Variants in TESK2 observed in about 807,000 individuals in gnomAD.
TESK2 encodes the protein dual specificity testis-specific protein kinase 2.
TESK2 carries 39 observed loss-of-function variants against 57.1 expected under a neutral mutation model. The observed-to-expected ratio is 0.68, with a 90% CI of 0.53 to 0.89. TESK2 has a LOEUF of 0.89. TESK2 is among the 40% of genes least tolerant of loss of function. The probability of loss-of-function intolerance (pLI) is 0.00; values close to 1 mark genes in which losing one functional copy is unlikely to be tolerated. For synonymous variants in TESK2, 249 were observed against 267.9 expected (o/e 0.93, Z 0.69); for missense variants, 646 against 732.1 (o/e 0.88, Z 1.36).
At chr1:45,442,857 C>A (rs1432559155) in intron 2 of TESK2, among the ~76,000 whole-genome samples, 1 of 152,198 alleles carries the variant, frequency 6.6e-6, no homozygotes, top group Non-Finnish European at 1.5e-5. Flanking sequence ...GTGATCTCGG[C>A]TTACTGCAAC....
chr1:45,484,101 CTTCT>C (rs1653353034), intron 1 of TESK2, among the ~76,000 whole-genome samples: 1 of 118,066 alleles, frequency 8.5e-6, no homozygotes, highest in Non-Finnish European at 1.7e-5. Context: ...ATTTTTAATT[CTTCT>C]TTTTTTTTTT....
intron 7 of TESK2, 50 bp downstream of exon 7, chr1:45,347,559 A>C: frequency 1.9e-6 from 3 of 1,561,052 alleles, no homozygotes; most frequent in Non-Finnish European, 2.6e-6. Context: ...CATCTCAAAA[A>C]AAAGAAAAAG....
intron 3 of TESK2, among the ~76,000 whole-genome samples, chr1:45,388,690 C>T (rs1313831166): frequency 6.0e-5 from 9 of 151,058 alleles, no homozygotes; most frequent in African/African-American, 1.9e-4. Context: ...AACTTAATTC[C>T]CAACGTGGCA....
chr1:45,477,171 T>G (rs563400706), intron 1 of TESK2, among the ~76,000 whole-genome samples: 5 of 151,284 alleles, frequency 3.3e-5, no homozygotes, highest in Admixed American at 3.3e-4. Flanking sequence ...AGGCAGAGGT[T>G]GCGGTGAGCT....
At chr1:45,406,298 G>C (rs1193137629) in intron 3 of TESK2, among the ~76,000 whole-genome samples, 1 of 152,124 alleles carries the variant, frequency 6.6e-6, no homozygotes, top group Non-Finnish European at 1.5e-5. Context: ...AAATTATGTG[G>C]TTGGCCTGCC....
At chr1:45,351,634 C>T (rs1647233027) in intron 5 of TESK2, among the ~76,000 whole-genome samples, 1 of 152,168 alleles carries the variant, frequency 6.6e-6, no homozygotes, top group African/African-American at 2.4e-5. Context: ...CTGGTCTGAG[C>T]AGTGTGGACT....
At chr1:45,423,768 C>T (rs1041180805) in intron 2 of TESK2, among the ~76,000 whole-genome samples, 139 of 152,070 alleles carry the variant, frequency 9.1e-4, no homozygotes, top group African/African-American at 3.2e-3. Context: ...TAAAAGTATT[C>T]GCCCTCTATA....
chr1:45,436,335 C>T (rs1291337722), intron 2 of TESK2, among the ~76,000 whole-genome samples: 1 of 150,584 alleles, frequency 6.6e-6, no homozygotes, highest in African/African-American at 2.4e-5. Context: ...CAGGCACACA[C>T]CACCACACCT....
chr1:45,348,282 G>C (rs868138796), intron 5 of TESK2, among the ~76,000 whole-genome samples: 1 of 152,332 alleles, frequency 6.6e-6, no homozygotes, highest in Middle Eastern at 3.4e-3. Context: ...TTAAGTGCTA[G>C]AAATAGCTAG....
At chr1:45,425,309 G>C (rs1209978254) in intron 2 of TESK2, among the ~76,000 whole-genome samples, 2 of 152,068 alleles carry the variant, frequency 1.3e-5, no homozygotes, top group Non-Finnish European at 2.9e-5. Flanking sequence ...ATTTATAGTA[G>C]CTCCAAATAA....
intron 5 of TESK2, among the ~76,000 whole-genome samples, chr1:45,348,476 A>G (rs906824162): frequency 2.6e-5 from 4 of 152,188 alleles, no homozygotes; most frequent in Non-Finnish European, 5.9e-5. Context: ...TTCACTGTCC[A>G]CAAGATCACA....
At chr1:45,472,558 CA>C (rs11294894) in intron 1 of TESK2, among the ~76,000 whole-genome samples, 60,366 of 106,906 alleles carry the variant, frequency 0.56, 14,210 homozygotes, top group Middle Eastern at 0.65. Context: ...AACTCCATCT[CA>C]AAAAAAAAAA....
At chr1:45,366,049 T>C (rs796834064) in intron 4 of TESK2, among the ~76,000 whole-genome samples, 5 of 152,078 alleles carry the variant, frequency 3.3e-5, no homozygotes, top group African/African-American at 1.2e-4. Flanking sequence ...CCTCAGGTGA[T>C]CCGCCTGCCT....
At chr1:45,458,004 C>A (rs1652177002) in intron 1 of TESK2, 133 bp from the exon 2 acceptor site, 2 of 509,770 alleles carry the variant, frequency 3.9e-6, no homozygotes, top group Non-Finnish European at 7.1e-6. Flanking sequence ...TGTTTTATGT[C>A]TTTACCCTCA....
At chr1:45,437,888 C>T (rs1365020163) in intron 2 of TESK2, among the ~76,000 whole-genome samples, 1 of 152,180 alleles carries the variant, frequency 6.6e-6, no homozygotes, top group Non-Finnish European at 1.5e-5. Context: ...GTTACAGACA[C>T]ACATAAGTGT....
At chr1:45,486,469 T>C (rs1337124115) in intron 1 of TESK2, among the ~76,000 whole-genome samples, 1 of 151,978 alleles carries the variant, frequency 6.6e-6, no homozygotes. Flanking sequence ...CTAAAACCTT[T>C]TGAGACCAGC....
chr1:45,415,937 A>AT (rs368071598), intron 3 of TESK2, among the ~76,000 whole-genome samples: 39 of 149,096 alleles, frequency 2.6e-4, no homozygotes, highest in East Asian at 1.8e-3. Context: ...ACACTATGAG[A>AT]TTTTTTTTTT....
chr1:45,374,773 AC>A (rs1384061527), intron 4 of TESK2, among the ~76,000 whole-genome samples: 1 of 152,152 alleles, frequency 6.6e-6, no homozygotes, highest in African/African-American at 2.4e-5. Flanking sequence ...CTCAAACTGA[AC>A]CTATTCAAAA....
At chr1:45,463,537 AT>A (rs1408274509) in intron 1 of TESK2, among the ~76,000 whole-genome samples, 1 of 151,826 alleles carries the variant, frequency 6.6e-6, no homozygotes, top group Non-Finnish European at 1.5e-5. Context: ...ATATGGATTT[AT>A]TTCTGGGTTC....
Sources: gnomAD v4.1 joint callset for allele counts (sites outside exome capture counted in the v4.1 genomes callset) on GRCh38, gnomAD v4.1.1 for gene constraint, MANE v1.5 for transcripts, NCBI Gene and HGNC (gene_info 2026-07-23, HGNC 2026-07-21) for gene names.